Variants in NCOA3 observed in about 807,000 individuals in gnomAD.
NCOA3 encodes the protein CBP-interacting protein.
A neutral mutation model predicts 158.8 loss-of-function variants in NCOA3; 51 were observed. That is an observed-to-expected ratio of 0.32 (90% CI 0.26 to 0.41). The LOEUF (loss-of-function observed/expected upper bound fraction) is 0.41. Ranked by LOEUF, NCOA3 falls within the 10% of genes least tolerant of loss-of-function variation. The pLI, the probability that NCOA3 is intolerant of heterozygous loss-of-function variation, is 1.00. For synonymous variants in NCOA3, 537 were observed against 592.4 expected, an observed-to-expected ratio of 0.91 and a Z score of 1.36; for missense variants, 1,510 against 1,746.6, an observed-to-expected ratio of 0.86 and a Z score of 2.41.
chr20:47,605,380 C>T (rs1232887017), intron 2 of NCOA3, among the ~76,000 whole-genome samples: 1 of 151,812 alleles, frequency 6.6e-6, no homozygotes, highest in Non-Finnish European at 1.5e-5. Flanking sequence ...TGGTGATATG[C>T]ATTACTTAGG....
chr20:47,622,600 G>C (rs1412326513), intron 3 of NCOA3, among the ~76,000 whole-genome samples: 3 of 152,154 alleles, frequency 2.0e-5, no homozygotes, highest in Non-Finnish European at 4.4e-5. Flanking sequence ...ACGAATAGAT[G>C]ACCAAGGTTA....
At chr20:47,593,312 G>A (rs2085681440) in intron 2 of NCOA3, among the ~76,000 whole-genome samples, 1 of 141,038 alleles carries the variant, frequency 7.1e-6, no homozygotes, top group Non-Finnish European at 1.5e-5. Flanking sequence ...ACTCTTTGGA[G>A]TACCTCCTCT....
At chr20:47,547,436 G>A (rs924672983) in intron 1 of NCOA3, among the ~76,000 whole-genome samples, 6 of 150,668 alleles carry the variant, frequency 4.0e-5, no homozygotes, top group Admixed American at 4.0e-4. Context: ...TATTTTAGAC[G>A]GAGTCTCGCT....
chr20:47,649,163 G>T (rs2086740585), intron 19 of NCOA3, 54 bp downstream of exon 19: 2 of 1,166,834 alleles, frequency 1.7e-6, no homozygotes, highest in Non-Finnish European at 2.4e-6. Context: ...GACAGGGCTT[G>T]GCCTGTGGTT....
intron 1 of NCOA3, among the ~76,000 whole-genome samples, chr20:47,545,442 G>A (rs569652131): frequency 1.3e-5 from 2 of 152,202 alleles, no homozygotes; most frequent in South Asian, 2.1e-4. Context: ...CTCCCAAAGT[G>A]CTGGGATTAC....
chr20:47,526,050 G>A (rs1167186362), intron 1 of NCOA3, among the ~76,000 whole-genome samples: 15 of 150,940 alleles, frequency 9.9e-5, no homozygotes, highest in Admixed American at 5.9e-4. Context: ...CAGACGGGGC[G>A]GTTGCCAGGC....
At chr20:47,523,320 G>T (rs1247444701) in intron 1 of NCOA3, among the ~76,000 whole-genome samples, 1 of 152,168 alleles carries the variant, frequency 6.6e-6, no homozygotes, top group Non-Finnish European at 1.5e-5. Flanking sequence ...CTGAAAAGGG[G>T]CGTGGAATGG....
rs878867914 is a variant in NCOA3, at chr20:47,644,127, G to T, written c.3252+1743G>T. 6.1e-4 allele frequency among the ~76,000 whole-genome samples: 92 copies of T among 151,252 alleles called. 1 individual carries two copies. Among genetic ancestry groups the T allele is most frequent in the Admixed American group, 2.8e-3 (42 of 15,134 alleles). On this transcript the variant is annotated intron_variant, in intron 17 of 22. Coordinates refer to ENST00000371998, the MANE Select transcript of NCOA3 (RefSeq NM_181659.3). ...TTCTGGGATTTCTGTTGACATGTTG[G>T]GCATTAAATTCGTTCTATTTTTTTT...
intron 2 of NCOA3, among the ~76,000 whole-genome samples, chr20:47,586,265 A>C (rs1201206105): frequency 6.6e-6 from 1 of 152,120 alleles, no homozygotes; most frequent in African/African-American, 2.4e-5. Flanking sequence ...ATACATTTAC[A>C]AAAGTTACAA....
At chr20:47,523,748 C>T (rs997795005) in intron 1 of NCOA3, among the ~76,000 whole-genome samples, 6 of 152,340 alleles carry the variant, frequency 3.9e-5, no homozygotes, top group Admixed American at 1.3e-4. Flanking sequence ...GCGGACTCAG[C>T]GATAGTGAAA....
At chr20:47,529,936 C>T (rs997714152) in intron 1 of NCOA3, among the ~76,000 whole-genome samples, 3 of 152,274 alleles carry the variant, frequency 2.0e-5, no homozygotes, top group South Asian at 2.1e-4. Context: ...GAAGAAGAAC[C>T]GCAGACATTC....
chr20:47,512,780 G>A (rs930653773), intron 1 of NCOA3, among the ~76,000 whole-genome samples: 12 of 152,276 alleles, frequency 7.9e-5, no homozygotes, highest in African/African-American at 2.6e-4. Context: ...GGAACAACTA[G>A]AACTGTATCA....
In NCOA3 at chr20:47,639,747, A is replaced by G; in HGVS notation, c.2878A>G (p.Thr960Ala). 1 of 1,614,218 alleles carries G rather than the reference A, an allele frequency of 6.2e-7. No individual in the cohort carries two copies. Residue 960 changes from threonine to alanine, a missense_variant, in exon 15 of 23, where the codon ACA (threonine) becomes GCA (alanine). Coordinates refer to ENST00000371998, the MANE Select transcript of NCOA3 (RefSeq NM_181659.3). ...ACCTGCACTGGGTGGCTCTATTCCC[A>G]CATTGCCTCTTCGGTCTAATAGCAT... ...PRPALGGSIP[T>A]LPLRSNSIPG...
chr20:47,594,247 A>C (rs1448191192), intron 2 of NCOA3, among the ~76,000 whole-genome samples: 1 of 152,028 alleles, frequency 6.6e-6, no homozygotes, highest in Admixed American at 6.6e-5. Flanking sequence ...ACATAATCTC[A>C]GGTTCTTTCC....
intron 1 of NCOA3, among the ~76,000 whole-genome samples, chr20:47,504,160 T>C (rs189672637): frequency 6.6e-6 from 1 of 152,328 alleles, no homozygotes; most frequent in East Asian, 1.9e-4. Context: ...ACTAACAATT[T>C]GCTAAGGAAA....
intron 1 of NCOA3, among the ~76,000 whole-genome samples, chr20:47,544,598 G>A (rs1316025203): frequency 2.0e-5 from 3 of 151,760 alleles, no homozygotes; most frequent in African/African-American, 7.3e-5. Context: ...TTTTCTGTTG[G>A]TTTCTTACTT....
rs374960349 is a variant in NCOA3, at chr20:47,652,956, C to T, written c.4147C>T (p.His1383Tyr). 1.2e-5 allele frequency: 20 copies of T among 1,614,038 alleles called. No homozygotes were observed. Among genetic ancestry groups the T allele is most frequent in the Middle Eastern group, 1.6e-4 (1 of 6,084 alleles). The change falls in exon 22 of 23, where the codon CAC (histidine) becomes TAC (tyrosine). Residue 1383 changes from histidine (H) to tyrosine (Y), a missense_variant. Physicochemically the swap from His to Tyr is moderately conservative, Grantham distance 83 (BLOSUM62 2). Transcript: ENST00000371998. ...NSSFSQQQFA[H>Y]QGNPAVYSMV... ...CTCCTTTTCCCAGCAGCAGTTTGCC[C>T]ACCAGGGGAATCCTGCAGTGTATAG...
At chr20:47,544,316 CTTTTT>C (rs397866275) in intron 1 of NCOA3, among the ~76,000 whole-genome samples, 109 of 99,704 alleles carry the variant, frequency 1.1e-3, no homozygotes, top group Admixed American at 1.1e-3. Flanking sequence ...TTTAATACTA[CTTTTT>C]TTTTTTTTTT....
At chr20:47,520,178 G>A (rs971540877) in intron 1 of NCOA3, among the ~76,000 whole-genome samples, 1 of 151,700 alleles carries the variant, frequency 6.6e-6, no homozygotes, top group African/African-American at 2.4e-5. Context: ...AGTGTTACAG[G>A]GTCACAGAGA....
Sources: allele counts gnomAD v4.1 joint callset (sites outside exome capture counted in the v4.1 genomes callset), GRCh38; gene constraint gnomAD v4.1.1; transcripts MANE v1.5; gene names NCBI Gene and HGNC (gene_info 2026-07-23, HGNC 2026-07-21).